GRIP1: variants seen among roughly 807,000 people sequenced by gnomAD.
The protein encoded by GRIP1 is glutamate receptor-interacting protein 1.
A neutral mutation model predicts 129.9 loss-of-function variants in GRIP1; 45 were observed. The observed-to-expected ratio is 0.35, with a 90% CI of 0.27 to 0.44. The LOEUF (loss-of-function observed/expected upper bound fraction) is 0.44. Ranked by LOEUF, GRIP1 falls within the 20% of genes least tolerant of loss-of-function variation. GRIP1 has a pLI of 1.00. For missense variants in GRIP1, 1,196 were observed against 1,396.8 expected, an observed-to-expected ratio of 0.86 and a Z score of 2.29; for synonymous variants, 530 against 520.8, an observed-to-expected ratio of 1.02 and a Z score of -0.24.
In GRIP1 at chr12:66,915,735, T is replaced by G. The variant is rs113849299; in HGVS notation, c.58+153315A>C. On this transcript the variant is annotated intron_variant, in intron 1 of 1. Transcript: ENST00000643019. Reference sequence around the variant, plus strand: ...AACTTGTGAGGCCTCAAGCCTGACTTTTCAGAATTGCTTTCAGGATTACTT... The same window carrying G: ...AACTTGTGAGGCCTCAAGCCTGACTGTTCAGAATTGCTTTCAGGATTACTT... Among the ~76,000 whole-genome samples the G allele has an allele frequency of 3.2e-3, 480 of 152,330 alleles. 1 individual carries two copies. Among genetic ancestry groups the G allele is most frequent in the African/African-American group, 0.011 (458 of 41,568 alleles).
chr12:66,798,284 C>G (rs2038758538), intron 1 of GRIP1, among the ~76,000 whole-genome samples: 1 of 152,108 alleles, frequency 6.6e-6, no homozygotes, highest in African/African-American at 2.4e-5. Context: ...GAAGGAATTA[C>G]TCACCTCCAC....
At chr12:66,774,764 A>G (rs1036922288) in intron 1 of GRIP1, among the ~76,000 whole-genome samples, 1 of 152,340 alleles carries the variant, frequency 6.6e-6, no homozygotes, top group South Asian at 2.1e-4. Context: ...TACTGTTTGG[A>G]GAGTGCTTTA....
At chr12:66,655,912 T>C (rs1445568396) in intron 1 of GRIP1, among the ~76,000 whole-genome samples, 1 of 152,222 alleles carries the variant, frequency 6.6e-6, no homozygotes, top group African/African-American at 2.4e-5. Flanking sequence ...TGTACTTTTA[T>C]GCTTTGAACA....
At chr12:66,699,476 T>G (rs184415789) in intron 1 of GRIP1, among the ~76,000 whole-genome samples, 99 of 152,248 alleles carry the variant, frequency 6.5e-4, no homozygotes, top group African/African-American at 2.3e-3. Flanking sequence ...TCTCATGAGA[T>G]CTGATGGTTT....
At chr12:66,794,182 C>G (rs925653019) in intron 1 of GRIP1, among the ~76,000 whole-genome samples, 4 of 152,132 alleles carry the variant, frequency 2.6e-5, no homozygotes, top group South Asian at 2.1e-4. Flanking sequence ...ATATGGCAAA[C>G]TAAGATTCTT....
At chr12:66,619,224 C>T (rs2065166619) in intron 1 of GRIP1, among the ~76,000 whole-genome samples, 1 of 152,058 alleles carries the variant, frequency 6.6e-6, no homozygotes, top group Admixed American at 6.6e-5. Context: ...GAGCAGCAAG[C>T]AGCACTAAAA....
chr12:66,878,416 A>T (rs1477711218), intron 1 of GRIP1, among the ~76,000 whole-genome samples: 2 of 151,980 alleles, frequency 1.3e-5, no homozygotes, highest in Non-Finnish European at 2.9e-5. Context: ...AATGAGTGTG[A>T]GAGGGGAGGT....
At chr12:66,468,377 C>T (rs574055406) in intron 7 of GRIP1, among the ~76,000 whole-genome samples, 61 of 152,286 alleles carry the variant, frequency 4.0e-4, no homozygotes, top group African/African-American at 1.4e-3. Flanking sequence ...AAACTTCTAT[C>T]GTATTTATGT....
rs538806117 is a variant in GRIP1 at position 66,801,888 on chromosome 12, G to A, written c.-420+2165C>T. Among the ~76,000 whole-genome samples the A allele has an allele frequency of 7.9e-5, 12 of 152,162 alleles. No individual in the cohort carries two copies. In the South Asian group the frequency reaches 1.5e-3, roughly 18 times the overall value. On this transcript the variant is annotated intron_variant, in intron 1 of 4. Coordinates refer to the GRIP1 transcript ENST00000538373. ...TTAATGTAGATAGTTTTTCTAAGCCGTCTCGAGAAACACATGGGGTATAAA... is the reference window on the plus strand; with the variant it reads ...TTAATGTAGATAGTTTTTCTAAGCCATCTCGAGAAACACATGGGGTATAAA...
intron 1 of GRIP1, among the ~76,000 whole-genome samples, chr12:66,787,071 C>G (rs1352622295): frequency 1.3e-5 from 2 of 152,092 alleles, no homozygotes; most frequent in African/African-American, 2.4e-5. Flanking sequence ...AATTTACGCA[C>G]AAGTAACCTT....
intron 1 of GRIP1, among the ~76,000 whole-genome samples, chr12:66,891,506 T>C (rs1427836980): frequency 6.6e-6 from 1 of 152,132 alleles, no homozygotes; most frequent in Non-Finnish European, 1.5e-5. Context: ...TGTGGGCTGA[T>C]GTGGTGATTT....
rs1008096578 is a variant in GRIP1 at position 67,052,766 on chromosome 12, A to AAGGG, written c.58+16280_58+16283dup. Among the ~76,000 whole-genome samples the AAGGG allele has an allele frequency of 5.7e-3, 660 of 115,944 alleles. 9 individuals carry two copies. The highest frequency in any genetic ancestry group is 0.022 in the African/African-American group (636 of 29,264). The allele number at this position is 115,944 out of a possible 152,430, so 76.1% of individuals were successfully genotyped here. On this transcript the variant is annotated intron_variant, in intron 1 of 1. Coordinates refer to the GRIP1 transcript ENST00000643019. ...CAGAGCAGACTCTCTCTCAAAAATG[A>AAGGG]AGGGAGGGAGGGAGGGAGGGACGGA... is the stretch of plus-strand genomic sequence containing the variant.
At chr12:66,467,211 T>C (rs906288607) in intron 7 of GRIP1, among the ~76,000 whole-genome samples, 7 of 152,146 alleles carry the variant, frequency 4.6e-5, no homozygotes, top group Non-Finnish European at 7.4e-5. Context: ...AAGGTCTTAA[T>C]TATTAAGGAG....
intron 13 of GRIP1, among the ~76,000 whole-genome samples, chr12:66,441,215 C>T (rs538459924): frequency 1.1e-4 from 16 of 152,194 alleles, no homozygotes; most frequent in Non-Finnish European, 1.9e-4. Context: ...TATATTTAAG[C>T]TATCAATAGT....
intron 1 of GRIP1, among the ~76,000 whole-genome samples, chr12:66,998,420 A>T (rs1035036389): frequency 1.9e-4 from 24 of 126,374 alleles, no homozygotes; most frequent in South Asian, 1.7e-3. Context: ...TACTTTTCTG[A>T]TAAAAAAAAA....
intron 7 of GRIP1, among the ~76,000 whole-genome samples, chr12:66,470,092 T>C (rs185690578): frequency 1.7e-4 from 26 of 152,294 alleles, no homozygotes; most frequent in African/African-American, 6.0e-4. Context: ...CAACTTACCA[T>C]CATCTGATTT....
At chr12:66,690,686 C>T (rs12817470) in intron 1 of GRIP1, among the ~76,000 whole-genome samples, 1 of 150,064 alleles carries the variant, frequency 6.7e-6, no homozygotes, top group Non-Finnish European at 1.5e-5. Context: ...AGCAACATAG[C>T]GAGACCTTGT....
chr12:66,807,548 C>T (rs890231287), upstream of GRIP1, among the ~76,000 whole-genome samples: 1 of 152,058 alleles, frequency 6.6e-6, no homozygotes, highest in African/African-American at 2.4e-5. Context: ...GTGGCGGGCG[C>T]CTGTAGTCCC....
chr12:66,533,823 GTTTTC>G lies in GRIP1; in HGVS notation c.419-3914_419-3910del, dbSNP rs1003230965. ...CTTAGAAAGGGCCAAGGTCAAACCA[GTTTTC>G]TTCTATCAGATTACACACACACACA... On this transcript the variant is annotated intron_variant, in intron 4 of 24. Coordinates refer to ENST00000359742, the MANE Select transcript of GRIP1 (RefSeq NM_001366722.1). Among the ~76,000 whole-genome samples, 4 of 150,824 alleles carry G rather than the reference GTTTTC, an allele frequency of 2.7e-5. No homozygotes were observed. The Admixed American group carries it at 2.7e-4, about 10-fold the overall frequency.
Sources: allele counts gnomAD v4.1 joint callset (sites outside exome capture counted in the v4.1 genomes callset), GRCh38; gene constraint gnomAD v4.1.1; transcripts MANE v1.5; gene names NCBI Gene and HGNC (gene_info 2026-07-23, HGNC 2026-07-21).